CLASP1: variants seen among roughly 807,000 people sequenced by gnomAD.
CLASP1 encodes cytoplasmic linker associated protein 1, also known as CLIP-associating protein 1.
Under a neutral mutation model 192.3 loss-of-function variants are expected in CLASP1, and 38 were observed. That is an observed-to-expected ratio of 0.20 (90% confidence interval 0.15 to 0.26). The LOEUF is 0.26. Among genes scored for constraint, CLASP1 ranks in the 10% least tolerant of loss-of-function variants. CLASP1 has a pLI of 1.00. For synonymous variants in CLASP1, 691 were observed against 712.8 expected (o/e 0.97, Z 0.49); for missense variants, 1,433 against 1,932.5 (o/e 0.74, Z 4.85).
chr2:121,475,152 TC>T (rs2091446421), intron 8 of CLASP1, among the ~76,000 whole-genome samples: 1 of 152,204 alleles, frequency 6.6e-6, no homozygotes, highest in African/African-American at 2.4e-5. Flanking sequence ...AATTCACATT[TC>T]CCATCTCGAT....
intron 33 of CLASP1, among the ~76,000 whole-genome samples, chr2:121,379,200 T>C (rs1162860718): frequency 2.0e-5 from 3 of 147,136 alleles, no homozygotes; most frequent in Admixed American, 1.4e-4. Context: ...GATGAATGAA[T>C]ATTTGGAGAG....
At chr2:121,571,992 A>C (rs1419347030) in intron 2 of CLASP1, among the ~76,000 whole-genome samples, 1 of 152,138 alleles carries the variant, frequency 6.6e-6, no homozygotes, top group African/African-American at 2.4e-5. Context: ...GAGAGGAAGA[A>C]AGAAAGCCAC....
chr2:121,577,925 CTGAT>C (rs1051873094), intron 2 of CLASP1, among the ~76,000 whole-genome samples: 43 of 152,064 alleles, frequency 2.8e-4, no homozygotes, highest in African/African-American at 9.6e-4. Context: ...ATTTCATTGA[CTGAT>C]TGATTGATTA....
intron 30 of CLASP1, among the ~76,000 whole-genome samples, chr2:121,391,975 C>A (rs554579848): frequency 6.6e-6 from 1 of 152,168 alleles, no homozygotes; most frequent in Non-Finnish European, 1.5e-5. Context: ...GATAGTAAAA[C>A]CCATAGCTTT....
intron 7 of CLASP1, among the ~76,000 whole-genome samples, chr2:121,515,008 C>T (rs2094247788): frequency 6.6e-6 from 1 of 152,150 alleles, no homozygotes; most frequent in African/African-American, 2.4e-5. Context: ...TTACTTTCCC[C>T]CTTAAAGGAA....
chr2:121,644,530 T>C (rs529898772), intron 1 of CLASP1, among the ~76,000 whole-genome samples: 3 of 152,116 alleles, frequency 2.0e-5, no homozygotes, highest in Non-Finnish European at 4.4e-5. Flanking sequence ...CCACCACGCC[T>C]GTAGTCCCAA....
intron 2 of CLASP1, among the ~76,000 whole-genome samples, chr2:121,572,842 A>G (rs1314496662): frequency 6.6e-6 from 1 of 152,206 alleles, no homozygotes; most frequent in Non-Finnish European, 1.5e-5. Context: ...GAGGAAAGGA[A>G]GCATAGTTCA....
chr2:121,518,631 G>A (rs915523501), intron 6 of CLASP1, among the ~76,000 whole-genome samples: 2 of 152,158 alleles, frequency 1.3e-5, no homozygotes, highest in African/African-American at 4.8e-5. Context: ...ACTTTGGGTG[G>A]CCGAGGCAGG....
intron 1 of CLASP1, among the ~76,000 whole-genome samples, chr2:121,619,102 G>T (rs941320639): frequency 1.7e-4 from 26 of 152,274 alleles, no homozygotes; most frequent in African/African-American, 6.0e-4. Flanking sequence ...TGTGCACAAT[G>T]ATTAACTACA....
chr2:121,523,929 G>A (rs944509836), intron 6 of CLASP1, among the ~76,000 whole-genome samples: 1 of 152,152 alleles, frequency 6.6e-6, no homozygotes, highest in African/African-American at 2.4e-5. Flanking sequence ...GTGAGTGAGG[G>A]GACCCTGTGG....
At chr2:121,413,136 T>C (rs1331138022) in intron 23 of CLASP1, among the ~76,000 whole-genome samples, 1 of 152,130 alleles carries the variant, frequency 6.6e-6, no homozygotes, top group African/African-American at 2.4e-5. Context: ...GGCACGCACC[T>C]GTAGTCCCAG....
At chr2:121,528,249 C>T (rs1025428614) in intron 4 of CLASP1, among the ~76,000 whole-genome samples, 1 of 152,100 alleles carries the variant, frequency 6.6e-6, no homozygotes, top group Non-Finnish European at 1.5e-5. Flanking sequence ...GATCACCCCC[C>T]AATAAAGGAC....
intron 2 of CLASP1, among the ~76,000 whole-genome samples, chr2:121,582,566 A>C (rs553810686): frequency 6.6e-6 from 1 of 151,466 alleles, no homozygotes; most frequent in Admixed American, 6.6e-5. Flanking sequence ...AAAGACAGAA[A>C]GGAACAAAGA....
intron 32 of CLASP1, 79 bp from the exon 34 acceptor site, chr2:121,382,403 T>C: frequency 1.2e-6 from 1 of 815,412 alleles, no homozygotes. Context: ...CACTACACAC[T>C]AAGTGTCTTA....
intron 1 of CLASP1, among the ~76,000 whole-genome samples, chr2:121,633,590 G>A (rs2070218280): frequency 6.6e-6 from 1 of 152,090 alleles, no homozygotes; most frequent in Non-Finnish European, 1.5e-5. Flanking sequence ...GTGCTTTCTT[G>A]CCTCTTATCT....
chr2:121,600,745 A>G (rs1372203367), intron 2 of CLASP1, among the ~76,000 whole-genome samples: 1 of 152,222 alleles, frequency 6.6e-6, no homozygotes, highest in Non-Finnish European at 1.5e-5. Flanking sequence ...TAATAATTTA[A>G]CATCCATGCT....
intron 37 of CLASP1, among the ~76,000 whole-genome samples, chr2:121,362,905 G>A (rs1300604742): frequency 6.6e-6 from 1 of 152,224 alleles, no homozygotes; most frequent in Non-Finnish European, 1.5e-5. Flanking sequence ...CTGGAAGCAC[G>A]GACATGGAAC....
chr2:121,607,012 C>T (rs7576710), intron 1 of CLASP1, among the ~76,000 whole-genome samples: 5,951 of 151,936 alleles, frequency 0.039, 165 homozygotes, highest in Non-Finnish European at 0.055. Flanking sequence ...GCCGAGATTG[C>T]GCCACTGTAC....
chr2:121,515,908 A>C (rs1476840124), intron 6 of CLASP1, 146 bp from the exon 7 acceptor site: 1 of 660,700 alleles, frequency 1.5e-6, no homozygotes, highest in East Asian at 2.7e-5. Flanking sequence ...ATTTGTCTAG[A>C]GAAAGCCATG....
Sources: gnomAD v4.1 joint callset for allele counts (sites outside exome capture counted in the v4.1 genomes callset) on GRCh38, gnomAD v4.1.1 for gene constraint, MANE v1.5 for transcripts, NCBI Gene and HGNC (gene_info 2026-07-23, HGNC 2026-07-21) for gene names.